Variants in RAPGEF4 observed in about 807,000 individuals in gnomAD.
RAPGEF4 encodes the protein Rap guanine nucleotide exchange factor 4, also known as RAP guanine-nucleotide-exchange factor (GEF) 4.
A neutral mutation model predicts 147.9 loss-of-function variants in RAPGEF4; 66 were observed. The ratio of observed to expected loss-of-function variants is 0.45; its 90% CI spans 0.37 to 0.55. The LOEUF is 0.55. Ranked by LOEUF, RAPGEF4 falls within the 20% of genes least tolerant of loss-of-function variation. The pLI is 0.00. For synonymous variants in RAPGEF4, 419 were observed against 442.7 expected (o/e 0.95, Z 0.67); for missense variants, 1,071 against 1,257.3 (o/e 0.85, Z 2.24).
intron 6 of RAPGEF4, among the ~76,000 whole-genome samples, chr2:172,936,735 C>T (rs1235902651): frequency 6.6e-6 from 1 of 151,928 alleles, no homozygotes; most frequent in Non-Finnish European, 1.5e-5. Context: ...TAGTTTTCCT[C>T]TGGTATCATT....
chr2:173,012,591 G>A (rs529646512), intron 17 of RAPGEF4, among the ~76,000 whole-genome samples: 5 of 152,122 alleles, frequency 3.3e-5, no homozygotes, highest in Non-Finnish European at 7.3e-5. Flanking sequence ...ATTCTCCTTC[G>A]GTTCACCTTG....
chr2:173,025,408 A>G (rs1696562837), intron 23 of RAPGEF4, among the ~76,000 whole-genome samples: 1 of 152,224 alleles, frequency 6.6e-6, no homozygotes, highest in Admixed American at 6.5e-5. Flanking sequence ...GATAGTATCT[A>G]AATATAGTTA....
At chr2:172,823,629 T>A (rs1689340055) in intron 4 of RAPGEF4, among the ~76,000 whole-genome samples, 2 of 152,186 alleles carry the variant, frequency 1.3e-5, no homozygotes, top group Non-Finnish European at 2.9e-5. Flanking sequence ...GTCTCTGGGC[T>A]GCTGTGAGAG....
intron 1 of RAPGEF4, among the ~76,000 whole-genome samples, chr2:172,737,275 A>C (rs565146734): frequency 6.6e-6 from 1 of 152,218 alleles, no homozygotes; most frequent in African/African-American, 2.4e-5. Context: ...ATAGTAAGAG[A>C]ATTAAAGTAA....
At chr2:172,929,636 C>A (rs1202142044) in intron 6 of RAPGEF4, among the ~76,000 whole-genome samples, 1 of 152,134 alleles carries the variant, frequency 6.6e-6, no homozygotes, top group East Asian at 1.9e-4. Context: ...CTCAGAAACA[C>A]CCCTGGAATA....
intron 4 of RAPGEF4, among the ~76,000 whole-genome samples, chr2:172,864,454 C>T (rs1256228078): frequency 6.6e-6 from 1 of 152,184 alleles, no homozygotes; most frequent in African/African-American, 2.4e-5. Context: ...TGGGATTCGG[C>T]TCTTGACTGG....
At chr2:172,787,599 CTTTA>C (rs60645567) in intron 1 of RAPGEF4, among the ~76,000 whole-genome samples, 58,592 of 145,172 alleles carry the variant, frequency 0.4, 11,989 homozygotes, top group East Asian at 0.59. Flanking sequence ...AAACAAAGTG[CTTTA>C]TTTATTTATT....
At chr2:172,776,165 G>T (rs1036044051) in intron 1 of RAPGEF4, among the ~76,000 whole-genome samples, 10 of 152,142 alleles carry the variant, frequency 6.6e-5, no homozygotes, top group African/African-American at 2.4e-4. Context: ...AATCTGGATA[G>T]AATCTCAGAA....
intron 22 of RAPGEF4, 144 bp from the exon 23 acceptor site, chr2:173,020,474 T>C (rs1695975608): frequency 1.4e-6 from 1 of 725,000 alleles, no homozygotes; most frequent in Non-Finnish European, 2.4e-6. Flanking sequence ...TTTTATTCCG[T>C]GGATCCCTTC....
intron 29 of RAPGEF4, among the ~76,000 whole-genome samples, chr2:173,037,106 A>G (rs1684118868): frequency 6.6e-6 from 1 of 152,240 alleles, no homozygotes; most frequent in Admixed American, 6.5e-5. Flanking sequence ...CCTTTATTAT[A>G]GAGGACTAAT....
At chr2:172,798,362 G>A (rs1007086589) in intron 3 of RAPGEF4, among the ~76,000 whole-genome samples, 1 of 152,070 alleles carries the variant, frequency 6.6e-6, no homozygotes, top group African/African-American at 2.4e-5. Context: ...AGTGACTCTT[G>A]CTCTGTCATT....
chr2:173,048,705 C>T (rs1226379853), intron 30 of RAPGEF4, 51 bp downstream of exon 30: 2 of 1,612,806 alleles, frequency 1.2e-6, no homozygotes, highest in Admixed American at 1.7e-5. Context: ...TGATTAAGGT[C>T]TTCTTAATGA....
intron 23 of RAPGEF4, among the ~76,000 whole-genome samples, chr2:173,022,381 C>T (rs1051265888): frequency 6.6e-6 from 1 of 152,226 alleles, no homozygotes; most frequent in Non-Finnish European, 1.5e-5. Flanking sequence ...ATTGAGTACC[C>T]TGGGCATGAA....
At chr2:173,036,584 A>T in intron 28 of RAPGEF4, 44 bp from the exon 29 acceptor site, 3 of 1,433,886 alleles carry the variant, frequency 2.1e-6, no homozygotes, top group Non-Finnish European at 2.9e-6. Flanking sequence ...TTAGTATGAC[A>T]TATTTCCATT....
chr2:173,011,170 GCACACACACA>G (rs1553548086), intron 17 of RAPGEF4, among the ~76,000 whole-genome samples: 13 of 133,568 alleles, frequency 9.7e-5, no homozygotes, highest in African/African-American at 2.6e-4. Context: ...GCGCGCGCGC[GCACACACACA>G]CACACACACA....
At chr2:172,764,303 T>C (rs141992005) in intron 1 of RAPGEF4, among the ~76,000 whole-genome samples, 1 of 152,244 alleles carries the variant, frequency 6.6e-6, no homozygotes, top group African/African-American at 2.4e-5. Flanking sequence ...ATTCAAGTCT[T>C]TCTTGTTCAC....
Position 173,036,232 on chromosome 2 carries a change from C to G in RAPGEF4, c.2788+20C>G. 1 of 1,521,206 alleles carries G rather than the reference C, an allele frequency of 6.6e-7. No homozygotes were observed. Among genetic ancestry groups the G allele is most frequent in the Non-Finnish European group, 9.1e-7 (1 of 1,096,424 alleles). The allele number at this position is 1,521,206 out of a possible 1,614,324, so 94.2% of individuals were successfully genotyped here. A position where few individuals can be genotyped will look rare whatever the true frequency, so the allele number is the denominator to read the frequency against. On this transcript the variant is annotated intron_variant, in intron 28 of 30. Coordinates refer to ENST00000397081, the MANE Select transcript of RAPGEF4 (RefSeq NM_007023.4). ...TTAAAGGTAATCCTAATAAGATGCA[C>G]AGGCCAAGCAGGTGATGAGTATTTG...
At chr2:172,808,221 G>A (rs913014812) in intron 3 of RAPGEF4, among the ~76,000 whole-genome samples, 3 of 152,166 alleles carry the variant, frequency 2.0e-5, no homozygotes, top group East Asian at 1.9e-4. Context: ...CAAATAAAAC[G>A]CCTCATATGA....
In RAPGEF4 at chr2:173,051,681, C is replaced by T. The variant is rs778024739; in HGVS notation, c.2950C>T (p.Arg984Trp). The change falls in exon 31 of 31, where the codon CGG (arginine) becomes TGG (tryptophan). Residue 984 changes from arginine to tryptophan, a missense_variant. Physicochemically the swap from Arg to Trp is moderately radical, Grantham distance 101. Coordinates refer to ENST00000397081, the MANE Select transcript of RAPGEF4 (RefSeq NM_007023.4). Reference protein sequence around the residue: ...AQANKNHQDVRSYVRQLNVID... With the variant: ...AQANKNHQDVWSYVRQLNVID... The stretch of plus-strand genomic sequence containing the variant: ...AGCTAATAAGAACCATCAGGATGTC[C>T]GGAGTTATGTACGGCAATTAAATGT... The T allele has an allele frequency of 2.4e-5, 39 of 1,613,680 alleles. No homozygotes were observed. Among genetic ancestry groups the T allele is most frequent in the East Asian group, 4.5e-5 (2 of 44,884 alleles).
Sources: allele counts gnomAD v4.1 joint callset (sites outside exome capture counted in the v4.1 genomes callset), GRCh38; gene constraint gnomAD v4.1.1; transcripts MANE v1.5; gene names NCBI Gene and HGNC (gene_info 2026-07-23, HGNC 2026-07-21).